Variants in LINGO2 observed in about 807,000 individuals in gnomAD.
The protein encoded by LINGO2 is leucine rich repeat and Ig domain containing 2.
LINGO2 carries 14 observed loss-of-function variants against 30.6 expected under a neutral mutation model. That is an observed-to-expected ratio of 0.46 (90% confidence interval 0.30 to 0.72). The LOEUF (loss-of-function observed/expected upper bound fraction) is 0.72. LINGO2 is among the 30% of genes least tolerant of loss of function. The pLI is 0.07. For missense variants in LINGO2, 729 were observed against 751.7 expected (o/e 0.97, Z 0.35); for synonymous variants, 317 against 288.5 (o/e 1.10, Z -1.00).
At chr9:28,154,826 C>T (rs1373879988) in intron 4 of LINGO2, among the ~76,000 whole-genome samples, 3 of 152,106 alleles carry the variant, frequency 2.0e-5, no homozygotes, top group Non-Finnish European at 4.4e-5. Context: ...TACAGTTTTT[C>T]TTGAATGAAG....
chr9:28,790,316 C>A, the LINGO2 span, among the ~76,000 whole-genome samples: 18 of 131,044 alleles, frequency 1.4e-4, no homozygotes, highest in Non-Finnish European at 2.4e-4. Context: ...CCCATCTTTT[C>A]TTTTCTTTCT....
chr9:28,932,719 C>T, the LINGO2 span, among the ~76,000 whole-genome samples: 1 of 152,102 alleles, frequency 6.6e-6, no homozygotes, highest in African/African-American at 2.4e-5. Flanking sequence ...CTAATCTCCT[C>T]CCCTTTCCTC....
At chr9:28,277,248 T>G (rs989075032) in intron 4 of LINGO2, among the ~76,000 whole-genome samples, 1 of 152,194 alleles carries the variant, frequency 6.6e-6, no homozygotes, top group Non-Finnish European at 1.5e-5. Context: ...AACAGTGATC[T>G]GTGATCGATG....
At chr9:29,152,165 T>C in the LINGO2 span, among the ~76,000 whole-genome samples, 548 of 152,008 alleles carry the variant, frequency 3.6e-3, 25 homozygotes, top group East Asian at 0.097. Context: ...AAAAAAACAA[T>C]AGATGCTGGC....
the LINGO2 span, among the ~76,000 whole-genome samples, chr9:29,059,726 T>A: frequency 6.6e-6 from 1 of 152,078 alleles, no homozygotes; most frequent in East Asian, 1.9e-4. Flanking sequence ...CCTGACGTTA[T>A]CATAATTCTA....
At chr9:28,854,111 G>C in the LINGO2 span, among the ~76,000 whole-genome samples, 1 of 151,920 alleles carries the variant, frequency 6.6e-6, no homozygotes, top group Non-Finnish European at 1.5e-5. Context: ...GTACTAGAGG[G>C]TAGAGGCCAG....
chr9:28,189,924 C>T (rs1819757241), intron 4 of LINGO2, among the ~76,000 whole-genome samples: 1 of 151,672 alleles, frequency 6.6e-6, no homozygotes. Flanking sequence ...GAAGAGGGGA[C>T]TAGAAAGGGG....
chr9:28,569,023 G>A (rs925516120), intron 1 of LINGO2, among the ~76,000 whole-genome samples: 23 of 147,132 alleles, frequency 1.6e-4, no homozygotes, highest in Admixed American at 4.6e-4. Context: ...AAGGCAACAA[G>A]TGTATGAAAA....
the LINGO2 span, among the ~76,000 whole-genome samples, chr9:29,085,311 A>AAAAAT: frequency 1.5e-5 from 2 of 130,220 alleles, no homozygotes; most frequent in Admixed American, 7.6e-5. Flanking sequence ...AAAAAAAAAA[A>AAAAAT]GAATAAATTA....
intron 1 of LINGO2, among the ~76,000 whole-genome samples, chr9:28,625,444 C>T (rs973029900): frequency 3.0e-4 from 45 of 152,208 alleles, no homozygotes; most frequent in African/African-American, 1.1e-3. Flanking sequence ...AAACCAGTTA[C>T]TATGATTGCT....
chr9:28,777,580 G>T, the LINGO2 span, among the ~76,000 whole-genome samples: 1 of 152,160 alleles, frequency 6.6e-6, no homozygotes, highest in East Asian at 1.9e-4. Flanking sequence ...GATATATATT[G>T]ATTTCACTAT....
chr9:28,811,568 C>G, the LINGO2 span, among the ~76,000 whole-genome samples: 1 of 152,094 alleles, frequency 6.6e-6, no homozygotes, highest in Non-Finnish European at 1.5e-5. Context: ...ACTTTTTACC[C>G]ACACTCACTT....
At chr9:29,087,861 A>T in the LINGO2 span, among the ~76,000 whole-genome samples, 1 of 152,046 alleles carries the variant, frequency 6.6e-6, no homozygotes, top group African/African-American at 2.4e-5. Flanking sequence ...ATATTCTTTA[A>T]CTTTTCTATA....
intron 4 of LINGO2, among the ~76,000 whole-genome samples, chr9:28,018,293 C>A (rs1184491029): frequency 4.6e-5 from 7 of 152,120 alleles, no homozygotes; most frequent in African/African-American, 7.2e-5. Flanking sequence ...TGGACATAGA[C>A]CCTGGCAAAG....
intron 1 of LINGO2, among the ~76,000 whole-genome samples, chr9:28,609,371 A>T (rs1173789431): frequency 6.6e-6 from 1 of 151,942 alleles, no homozygotes; most frequent in Non-Finnish European, 1.5e-5. Context: ...CAGCTCAGCA[A>T]TAAGTCAAAT....
the LINGO2 span, among the ~76,000 whole-genome samples, chr9:29,042,977 T>C: frequency 5.4e-3 from 825 of 151,978 alleles, 8 homozygotes; most frequent in African/African-American, 0.019. Flanking sequence ...AAGGCCAACA[T>C]AAGGGATCCT....
chr9:28,300,089 G>A (rs563491956), intron 3 of LINGO2, among the ~76,000 whole-genome samples: 3 of 144,146 alleles, frequency 2.1e-5, no homozygotes. Context: ...AATTTTGAAA[G>A]CAACAGATGA....
intron 1 of LINGO2, chr9:28,599,362 A>C (rs1424690470): frequency 6.6e-6 from 1 of 152,184 alleles, no homozygotes; most frequent in African/African-American, 2.4e-5. Flanking sequence ...ATATTATTGT[A>C]AGCTGCACAA....
In LINGO2 at chr9:28,097,274, C is replaced by T. The variant is rs559087336; in HGVS notation, c.-86-84869G>A. 5.3e-4 allele frequency among the ~76,000 whole-genome samples: 80 copies of T among 152,090 alleles called. 1 individual carries two copies. In the East Asian group the frequency reaches 0.013, roughly 25 times the overall value. ...AGTTCAATCATCATGGAAGTCAGTG[C>T]GGCGATTCCTCAGGGATCTAGAACT... On this transcript the variant is annotated intron_variant, in intron 4 of 5. Transcript: ENST00000379992.
Sources: gnomAD v4.1 joint callset for allele counts (sites outside exome capture counted in the v4.1 genomes callset) on GRCh38, gnomAD v4.1.1 for gene constraint, MANE v1.5 for transcripts, NCBI Gene and HGNC (gene_info 2026-07-23, HGNC 2026-07-21) for gene names.